Variants in TUBB6 observed in about 807,000 individuals in gnomAD.
TUBB6 encodes tubulin beta-6 chain.
TUBB6 carries 18 observed loss-of-function variants against 32.3 expected under a neutral mutation model. That is an observed-to-expected ratio of 0.56 (90% CI 0.39 to 0.83). The LOEUF (loss-of-function observed/expected upper bound fraction) is 0.83, where lower values mean the gene tolerates loss of function less well. TUBB6 is among the 40% of genes least tolerant of loss of function. The pLI is 0.00. For synonymous variants in TUBB6, 280 were observed against 265.8 expected, an observed-to-expected ratio of 1.05 and a Z score of -0.52; for missense variants, 480 against 632.0, an observed-to-expected ratio of 0.76 and a Z score of 2.58.
chr18:12,309,343 A>G (rs2144124541), intron 2 of TUBB6, among the ~76,000 whole-genome samples: 1 of 149,128 alleles, frequency 6.7e-6, no homozygotes, highest in Non-Finnish European at 1.5e-5. Flanking sequence ...ACAGAGCGAG[A>G]CCCTGTTAGA....
chr18:12,324,963 A>G, intron 3 of TUBB6, 104 bp from the exon 4 acceptor site: 2 of 1,507,560 alleles, frequency 1.3e-6, no homozygotes, highest in Non-Finnish European at 1.8e-6. Flanking sequence ...CCTTTGGCTA[A>G]CAGCACATCA....
Position 12,324,288 on chromosome 18 carries a change from T to C in TUBB6, c.278-779T>C, listed in dbSNP as rs1907144073. On this transcript the variant is annotated intron_variant, in intron 3 of 3. Transcript: ENST00000317702. ...GGGAGGCTGAGGCAGGAGAATGGCG[T>C]GAACCCAGGAGGCGGAGCTTGCAAT... Among the ~76,000 whole-genome samples, 4 of 151,726 alleles carry C rather than the reference T, an allele frequency of 2.6e-5. No individual in the cohort carries two copies. In the South Asian group the frequency reaches 8.3e-4, roughly 32 times the overall value.
intron 3 of TUBB6, chr18:12,320,626 C>T (rs1212361338): frequency 6.6e-6 from 1 of 152,236 alleles, no homozygotes; most frequent in Non-Finnish European, 1.5e-5. Context: ...CCTGGCTCCC[C>T]AGCAACGTAT....
In TUBB6 at chr18:12,325,203, G is replaced by A. The variant is rs148645230; in HGVS notation, c.414G>A (p.Ser138=). The A allele has an allele frequency of 1.6e-3, 2,628 of 1,614,092 alleles. 7 individuals carry two copies. Among genetic ancestry groups the A allele is most frequent in the Non-Finnish European group, 1.9e-3 (2,205 of 1,180,004 alleles). Residue 138 remains serine (S), a synonymous_variant, in exon 4 of 4, where the codon TCG becomes TCA. Coordinates refer to ENST00000317702, the MANE Select transcript of TUBB6 (RefSeq NM_032525.3). The stretch of plus-strand genomic sequence containing the variant: ...TGCAGGGCTTCCAGCTCACGCACTC[G>A]CTGGGCGGCGGCACGGGCTCAGGCA... ...DCLQGFQLTH[S]LGGGTGSGMG...
chr18:12,311,188 C>G (rs1319844082), intron 3 of TUBB6, 135 bp downstream of exon 3: 5 of 735,976 alleles, frequency 6.8e-6, no homozygotes, highest in South Asian at 1.7e-5. Flanking sequence ...CCCACCCCTC[C>G]CATCCCTAGC....
chr18:12,322,136 A>C (rs1157522328), intron 3 of TUBB6, among the ~76,000 whole-genome samples: 1 of 150,740 alleles, frequency 6.6e-6, no homozygotes, highest in Non-Finnish European at 1.5e-5. Flanking sequence ...CCCTCTCTCT[A>C]CTAAAAAATA....
intron 2 of TUBB6, among the ~76,000 whole-genome samples, chr18:12,310,516 C>T (rs1421433727): frequency 1.3e-5 from 2 of 149,848 alleles, no homozygotes; most frequent in Non-Finnish European, 3.0e-5. Context: ...AAGACAAGGT[C>T]TCACTCTGGA....
rs1167066392 is a variant in TUBB6 at position 12,326,216 on chromosome 18, G to C, written c.*86G>C. ...TGCCTCCTACCCTATGGCCCTGAATGGTGCACTGGTTTAATTGTGTTGGTG... is the reference window on the plus strand; with the variant it reads ...TGCCTCCTACCCTATGGCCCTGAATCGTGCACTGGTTTAATTGTGTTGGTG... On this transcript the variant is annotated 3_prime_UTR_variant, in exon 4 of 4. Transcript: ENST00000317702. 6.7e-7 allele frequency: 1 copy of C among 1,490,898 alleles called. No individual in the cohort carries two copies. The highest frequency in any genetic ancestry group is 2.4e-5 in the East Asian group (1 of 41,932). 92.4% of individuals were successfully genotyped at this position (1,490,898 alleles called of 1,614,324 possible).
chr18:12,324,445 CTTT>C (rs201642073), intron 3 of TUBB6, among the ~76,000 whole-genome samples: 33,848 of 144,292 alleles, frequency 0.23, 4,081 homozygotes, highest in East Asian at 0.38. Context: ...AAGGAGAGAA[CTTT>C]TTTTTTTTTT....
chr18:12,316,923 C>T (rs574345819), intron 3 of TUBB6, among the ~76,000 whole-genome samples: 43 of 152,244 alleles, frequency 2.8e-4, no homozygotes, highest in African/African-American at 9.4e-4. Flanking sequence ...CTTTGGGAGG[C>T]GCAGACAGGC....
downstream of TUBB6, chr18:12,329,344 T>TG: frequency 1.5e-6 from 1 of 672,784 alleles, no homozygotes; most frequent in East Asian, 2.7e-5. Context: ...AATGAGGCTA[T>TG]GGGACAGTGT....
downstream of TUBB6, chr18:12,328,941 A>C: frequency 3.8e-6 from 2 of 526,614 alleles, no homozygotes; most frequent in Non-Finnish European, 6.8e-6. Context: ...TAGGGACCCT[A>C]TGTGTGTTCA....
intron 2 of TUBB6, among the ~76,000 whole-genome samples, chr18:12,309,530 C>T (rs9652931): frequency 0.87 from 132,250 of 151,868 alleles, 57,593 homozygotes; most frequent in Non-Finnish European, 0.89. Context: ...TCCCTGGAAG[C>T]TGAAACTCCA....
chr18:12,319,000 A>T (rs527275686), intron 3 of TUBB6, among the ~76,000 whole-genome samples: 1 of 152,230 alleles, frequency 6.6e-6, no homozygotes, highest in East Asian at 1.9e-4. Context: ...AACAGTACAC[A>T]TAGATTGTGT....
chr18:12,328,341 C>G (rs1298659592), downstream of TUBB6, among the ~76,000 whole-genome samples: 1 of 152,218 alleles, frequency 6.6e-6, no homozygotes, highest in Non-Finnish European at 1.5e-5. Flanking sequence ...GTTAAAAATG[C>G]CAGTGTCTCC....
At chr18:12,308,844 G>A in intron 2 of TUBB6, 49 bp downstream of exon 2, 3 of 1,275,864 alleles carry the variant, frequency 2.4e-6, no homozygotes, top group Non-Finnish European at 3.4e-6. Flanking sequence ...CCGCGTGGAC[G>A]CTCCGGCGCC....
intron 3 of TUBB6, chr18:12,320,799 GTA>G (rs1463486737): frequency 6.6e-6 from 1 of 152,144 alleles, no homozygotes; most frequent in African/African-American, 2.4e-5. Flanking sequence ...GTAAACATTT[GTA>G]TATATGTCAT....
chr18:12,325,337 A>G lies in TUBB6; in HGVS notation c.548A>G (p.Tyr183Cys). Residue 183 changes from tyrosine to cysteine, a missense_variant, in exon 4 of 4, where the codon TAC (tyrosine) becomes TGC (cysteine). Transcript: ENST00000317702. ...PKVSDTVVEP[Y>C]NATLSVHQLV... ...GTGTCGGACACGGTGGTGGAGCCCT[A>G]CAATGCCACACTGTCGGTGCACCAG... 1.9e-6 allele frequency: 3 copies of G among 1,614,140 alleles called. No homozygotes were observed. Among genetic ancestry groups the G allele is most frequent in the Non-Finnish European group, 2.5e-6 (3 of 1,180,006 alleles).
At chr18:12,320,903 C>G (rs1906953255) in intron 3 of TUBB6, among the ~76,000 whole-genome samples, 1 of 152,188 alleles carries the variant, frequency 6.6e-6, no homozygotes, top group Non-Finnish European at 1.5e-5. Context: ...CTCAGCTGTT[C>G]TACAGCCCAC....
Sources: gnomAD v4.1 joint callset for allele counts (sites outside exome capture counted in the v4.1 genomes callset) on GRCh38, gnomAD v4.1.1 for gene constraint, MANE v1.5 for transcripts, NCBI Gene and HGNC (gene_info 2026-07-23, HGNC 2026-07-21) for gene names.